Variants in KCNH8 observed in about 807,000 individuals in gnomAD.
The protein encoded by KCNH8 is voltage-gated delayed rectifier potassium channel KCNH8.
In KCNH8, 70 loss-of-function variants were observed where a neutral mutation model predicts 103.6. The ratio of observed to expected loss-of-function variants is 0.68; its 90% CI spans 0.56 to 0.82. The LOEUF (loss-of-function observed/expected upper bound fraction) is 0.82, where lower values mean the gene tolerates loss of function less well. KCNH8 is among the 40% of genes least tolerant of loss of function. KCNH8 has a pLI of 0.00. For missense variants in KCNH8, 1,217 were observed against 1,329.9 expected (o/e 0.92, Z 1.32); for synonymous variants, 498 against 489.4 (o/e 1.02, Z -0.23).
chr3:19,154,601 AG>A (rs2063162748), intron 1 of KCNH8, among the ~76,000 whole-genome samples: 1 of 152,220 alleles, frequency 6.6e-6, no homozygotes, highest in East Asian at 1.9e-4. Context: ...AAGGTTCCAT[AG>A]AATGCAGTGA....
chr3:19,501,790 C>T (rs1193114236), intron 11 of KCNH8, among the ~76,000 whole-genome samples: 1 of 152,074 alleles, frequency 6.6e-6, no homozygotes, highest in Non-Finnish European at 1.5e-5. Context: ...ATAATAAGAG[C>T]TATCTATGAC....
At chr3:19,159,188 A>C (rs1315536793) in intron 1 of KCNH8, among the ~76,000 whole-genome samples, 1 of 151,880 alleles carries the variant, frequency 6.6e-6, no homozygotes, top group Admixed American at 6.6e-5. Flanking sequence ...TGAATTCAAC[A>C]GATTTTATAA....
At chr3:19,446,272 A>G (rs1041391147) in intron 8 of KCNH8, among the ~76,000 whole-genome samples, 3 of 152,050 alleles carry the variant, frequency 2.0e-5, no homozygotes, top group Admixed American at 2.0e-4. Flanking sequence ...TCATCAGCAC[A>G]GCCTTGGAGG....
At chr3:19,161,066 A>G (rs1179733280) in intron 1 of KCNH8, among the ~76,000 whole-genome samples, 1 of 152,162 alleles carries the variant, frequency 6.6e-6, no homozygotes, top group African/African-American at 2.4e-5. Flanking sequence ...GAATAAACCT[A>G]TCTGTGAAAT....
At chr3:19,167,851 A>C (rs2063300688) in intron 1 of KCNH8, among the ~76,000 whole-genome samples, 1 of 152,114 alleles carries the variant, frequency 6.6e-6, no homozygotes, top group Non-Finnish European at 1.5e-5. Flanking sequence ...CCAGTTTTAC[A>C]TGGAATCATT....
At chr3:19,376,383 T>C (rs1340446411) in intron 5 of KCNH8, among the ~76,000 whole-genome samples, 1 of 152,124 alleles carries the variant, frequency 6.6e-6, no homozygotes, top group East Asian at 1.9e-4. Flanking sequence ...TGTCACCCCT[T>C]TCTTTGACTG....
chr3:19,502,824 C>G (rs62276984), intron 11 of KCNH8, among the ~76,000 whole-genome samples: 81,722 of 142,526 alleles, frequency 0.57, 22,622 homozygotes, highest in Middle Eastern at 0.64. Context: ...CATAAAAACC[C>G]TAGAAGAAAA....
intron 1 of KCNH8, among the ~76,000 whole-genome samples, chr3:19,225,737 T>G (rs1323115641): frequency 1.3e-5 from 2 of 152,302 alleles, no homozygotes; most frequent in East Asian, 3.9e-4. Flanking sequence ...CTATCTACTC[T>G]GGGAGTTATT....
intron 3 of KCNH8, among the ~76,000 whole-genome samples, chr3:19,311,717 G>A (rs1409984681): frequency 6.6e-6 from 1 of 151,750 alleles, no homozygotes; most frequent in Admixed American, 6.6e-5. Flanking sequence ...ACACTCCTCT[G>A]ACATAGAAAC....
At chr3:19,507,314 C>A (rs2068711829) in intron 11 of KCNH8, among the ~76,000 whole-genome samples, 1 of 152,124 alleles carries the variant, frequency 6.6e-6, no homozygotes, top group Admixed American at 6.5e-5. Flanking sequence ...TGGGAGCCCC[C>A]ACCAGGGAAC....
rs760039283 is a variant in KCNH8 at position 19,533,823 on chromosome 3, A to C, written c.3048A>C (p.Ser1016=). 6.2e-7 allele frequency: 1 copy of C among 1,614,204 alleles called. No homozygotes were observed. The highest frequency in any genetic ancestry group is 1.1e-5 in the South Asian group (1 of 91,090). The change falls in exon 16 of 16, where the codon TCA becomes TCC. Residue 1016 remains serine, a synonymous_variant. Transcript: ENST00000328405. The part of the protein sequence containing the change: ...LQFLRCISPH[S]DSTLTPLQSI... ...TTTTAAGGTGCATCTCTCCACATTC[A>C]GATTCTACGTTGACGCCTCTGCAGT... is the stretch of plus-strand genomic sequence containing the variant.
chr3:19,162,237 C>T (rs187570238), intron 1 of KCNH8, among the ~76,000 whole-genome samples: 8 of 151,786 alleles, frequency 5.3e-5, no homozygotes, highest in Admixed American at 1.3e-4. Flanking sequence ...GAAGGCCAGG[C>T]GTGGTGGTCC....
chr3:19,323,351 AG>A (rs1379441734), intron 3 of KCNH8, among the ~76,000 whole-genome samples: 2 of 152,060 alleles, frequency 1.3e-5, no homozygotes, highest in East Asian at 3.9e-4. Context: ...CAAGAGGCTG[AG>A]GCAGGAGAAT....
intron 3 of KCNH8, among the ~76,000 whole-genome samples, chr3:19,337,625 C>G (rs1258419214): frequency 1.3e-5 from 2 of 151,952 alleles, no homozygotes; most frequent in African/African-American, 2.4e-5. Flanking sequence ...ATTTCATAAT[C>G]AACTAAGTGA....
intron 4 of KCNH8, among the ~76,000 whole-genome samples, chr3:19,347,189 A>C (rs2125319777): frequency 6.6e-6 from 1 of 152,254 alleles, no homozygotes; most frequent in Admixed American, 6.6e-5. Context: ...GAAAGTAGTT[A>C]GCACGACTTG....
At chr3:19,371,923 GA>G (rs1398437257) in intron 5 of KCNH8, among the ~76,000 whole-genome samples, 1 of 150,236 alleles carries the variant, frequency 6.7e-6, no homozygotes, top group Non-Finnish European at 1.5e-5. Flanking sequence ...GATAGTTGTA[GA>G]TATGTGGCGT....
At chr3:19,298,983 A>G (rs186531636) in intron 3 of KCNH8, among the ~76,000 whole-genome samples, 27 of 151,904 alleles carry the variant, frequency 1.8e-4, no homozygotes, top group African/African-American at 6.5e-4. Flanking sequence ...AGTTATAAAT[A>G]AGAGGGGTGC....
intron 1 of KCNH8, among the ~76,000 whole-genome samples, chr3:19,172,708 C>T (rs9755604): frequency 6.6e-6 from 1 of 152,112 alleles, no homozygotes; most frequent in Non-Finnish European, 1.5e-5. Context: ...GAGGTATGGA[C>T]AATGCAAGCA....
chr3:19,155,743 A>G (rs947308623), intron 1 of KCNH8, among the ~76,000 whole-genome samples: 2 of 152,150 alleles, frequency 1.3e-5, no homozygotes, highest in African/African-American at 4.8e-5. Context: ...CATTCTATCA[A>G]ACTCCTTCTC....
Sources: gnomAD v4.1 joint callset for allele counts (sites outside exome capture counted in the v4.1 genomes callset) on GRCh38, gnomAD v4.1.1 for gene constraint, MANE v1.5 for transcripts, NCBI Gene and HGNC (gene_info 2026-07-23, HGNC 2026-07-21) for gene names.